SLC7A7: variants seen among roughly 807,000 people sequenced by gnomAD.
SLC7A7 encodes Y+L amino acid transporter 1.
SLC7A7 carries 39 observed loss-of-function variants against 47.9 expected under a neutral mutation model. That is an observed-to-expected ratio of 0.81 (90% CI 0.63 to 1.06). The LOEUF is 1.06. SLC7A7 is among the 50% of genes least tolerant of loss of function. The pLI is 0.00. For synonymous variants in SLC7A7, 234 were observed against 242.8 expected, an observed-to-expected ratio of 0.96 and a Z score of 0.34; for missense variants, 588 against 632.0, an observed-to-expected ratio of 0.93 and a Z score of 0.75.
At chr14:22,809,329 C>T (rs1382300433) in intron 2 of SLC7A7, among the ~76,000 whole-genome samples, 1 of 151,206 alleles carries the variant, frequency 6.6e-6, no homozygotes, top group Admixed American at 6.6e-5. Flanking sequence ...TAGGCACCCA[C>T]CACCACACCC....
chr14:22,791,298 T>G (rs529904164), intron 2 of SLC7A7, among the ~76,000 whole-genome samples: 1 of 152,206 alleles, frequency 6.6e-6, no homozygotes, highest in South Asian at 2.1e-4. Context: ...TCTGGTATCT[T>G]AGAATCTTAG....
intron 4 of SLC7A7, among the ~76,000 whole-genome samples, chr14:22,777,142 TAAAAAAAAAAAAAAA>T (rs35326556): frequency 1.6e-5 from 1 of 64,144 alleles, no homozygotes; most frequent in African/African-American, 6.2e-5. Context: ...AGACCCTGTC[TAAAAAAAAAAAAAAA>T]AAAAAAAAAG....
Position 22,813,049 on chromosome 14 carries a change from AAAGC to A in SLC7A7, c.346_349del (p.Ala116SerfsTer53). ...GAGCAGGGAGGTCCAGAGTCTGATG[AAAGC>A]AAGGAATCCTCCAAAGGCCTCCAGG... On this transcript the variant is annotated frameshift_variant, in exon 2 of 10. Coordinates refer to ENST00000674313, the MANE Select transcript of SLC7A7 (RefSeq NM_003982.4). LOFTEE classifies it high-confidence loss of function. The A allele has an allele frequency of 6.2e-7, 1 of 1,614,090 alleles. No homozygotes were observed. Among genetic ancestry groups the A allele is most frequent in the Non-Finnish European group, 8.5e-7 (1 of 1,180,010 alleles).
chr14:22,800,689 CTTTG>C (rs56880817), intron 2 of SLC7A7, among the ~76,000 whole-genome samples: 119,504 of 151,452 alleles, frequency 0.79, 47,761 homozygotes, highest in Non-Finnish European at 0.86. Flanking sequence ...AATCCTAACA[CTTTG>C]TTTGGGAGGC....
chr14:22,786,365 T>C (rs149187618), intron 2 of SLC7A7, among the ~76,000 whole-genome samples: 263 of 152,264 alleles, frequency 1.7e-3, no homozygotes, highest in African/African-American at 6.2e-3. Context: ...TCTTTACTCC[T>C]TCAGGCTAAA....
rs183852194 is a variant in SLC7A7, at chr14:22,800,072, C to G, written c.499+12828G>C. Among the ~76,000 whole-genome samples, 37 of 152,326 alleles carry G rather than the reference C, an allele frequency of 2.4e-4. No homozygotes were observed. In the East Asian group the frequency reaches 7.0e-3, roughly 29 times the overall value. On this transcript the variant is annotated intron_variant, in intron 2 of 9. Coordinates refer to ENST00000674313, the MANE Select transcript of SLC7A7 (RefSeq NM_003982.4). ...GTCTTAAGTCTCCCTGTCCCCAAAA[C>G]ATGACTCTAGTCCAAGCCACCATCA...
chr14:22,813,668 A>C (rs1478093172), intron 1 of SLC7A7, among the ~76,000 whole-genome samples: 1 of 148,586 alleles, frequency 6.7e-6, no homozygotes, highest in African/African-American at 2.5e-5. Flanking sequence ...CCCAGGCTGG[A>C]GTGCAGTGGT....
intron 2 of SLC7A7, among the ~76,000 whole-genome samples, chr14:22,796,797 G>T (rs1291975465): frequency 2.6e-5 from 4 of 152,156 alleles, no homozygotes; most frequent in Non-Finnish European, 5.9e-5. Flanking sequence ...GGTGGAGCTG[G>T]ACTTCTGGAC....
intron 2 of SLC7A7, among the ~76,000 whole-genome samples, chr14:22,808,632 C>T (rs2039251658): frequency 6.6e-6 from 1 of 152,252 alleles, no homozygotes; most frequent in South Asian, 2.1e-4. Context: ...CATAGCGAGA[C>T]CCCATCTCTA....
intron 2 of SLC7A7, among the ~76,000 whole-genome samples, chr14:22,802,686 G>A (rs2039136687): frequency 6.6e-6 from 1 of 152,062 alleles, no homozygotes; most frequent in South Asian, 2.1e-4. Flanking sequence ...GTCATTTCCT[G>A]CCTGGATTGC....
At chr14:22,788,218 T>A (rs1268087191) in intron 2 of SLC7A7, among the ~76,000 whole-genome samples, 1 of 152,200 alleles carries the variant, frequency 6.6e-6, no homozygotes, top group Non-Finnish European at 1.5e-5. Flanking sequence ...GTCTACCTTG[T>A]CAACAAGAAT....
chr14:22,795,600 G>C (rs1437266060), intron 2 of SLC7A7, among the ~76,000 whole-genome samples: 2 of 151,700 alleles, frequency 1.3e-5, no homozygotes, highest in Admixed American at 1.3e-4. Flanking sequence ...TCAGCCTCCC[G>C]AGTAGCTGGG....
intron 2 of SLC7A7, among the ~76,000 whole-genome samples, chr14:22,808,078 C>T (rs528435018): frequency 4.6e-5 from 7 of 151,800 alleles, no homozygotes; most frequent in African/African-American, 1.2e-4. Context: ...AGGAGAATCG[C>T]TTAACTTGGG....
intron 2 of SLC7A7, among the ~76,000 whole-genome samples, chr14:22,799,647 G>A (rs1472820438): frequency 5.3e-5 from 8 of 151,656 alleles, no homozygotes; most frequent in African/African-American, 1.9e-4. Flanking sequence ...TAGAGACAGG[G>A]TTTCGCCATG....
intron 2 of SLC7A7, among the ~76,000 whole-genome samples, chr14:22,806,147 A>G (rs1401894913): frequency 7.1e-6 from 1 of 141,756 alleles, no homozygotes; most frequent in Non-Finnish European, 1.5e-5. Context: ...AAAACTGTAC[A>G]TACATCAGTA....
chr14:22,777,290 C>T (rs2038632409), intron 4 of SLC7A7, among the ~76,000 whole-genome samples: 1 of 151,906 alleles, frequency 6.6e-6, no homozygotes, highest in African/African-American at 2.4e-5. Flanking sequence ...AGATTATCAA[C>T]ATTGGCAATT....
At chr14:22,774,564 C>T in intron 7 of SLC7A7, 61 bp from the exon 8 acceptor site, 3 of 1,606,962 alleles carry the variant, frequency 1.9e-6, no homozygotes, top group Non-Finnish European at 2.6e-6. Context: ...AGGCTTTTCA[C>T]TCCCTTTATA....
intron 2 of SLC7A7, among the ~76,000 whole-genome samples, chr14:22,794,982 G>A (rs888753074): frequency 6.6e-5 from 10 of 151,452 alleles, no homozygotes; most frequent in African/African-American, 2.2e-4. Context: ...CTTAATTCTC[G>A]TTCTCCAAGC....
At chr14:22,815,029 T>TA (rs1315687130) in intron 1 of SLC7A7, 3 of 286,748 alleles carry the variant, frequency 1.0e-5, no homozygotes, top group Non-Finnish European at 1.4e-5. Flanking sequence ...CAATGTACCA[T>TA]AAAACCTAGG....
Sources: allele counts gnomAD v4.1 joint callset (sites outside exome capture counted in the v4.1 genomes callset), GRCh38; gene constraint gnomAD v4.1.1; transcripts MANE v1.5; gene names NCBI Gene and HGNC (gene_info 2026-07-23, HGNC 2026-07-21).